The following TMC2 variants were observed in gnomAD, a reference collection of about 807,000 sequenced individuals.
The protein encoded by TMC2 is transmembrane channel like 2.
In TMC2, 102 loss-of-function variants were observed where a neutral mutation model predicts 105.9. The observed-to-expected ratio is 0.96, with a 90% CI of 0.82 to 1.14. The LOEUF is 1.14. Among genes scored for constraint, TMC2 ranks in the 50% most tolerant of loss-of-function variants. The pLI is 0.00. For missense variants in TMC2, 1,093 were observed against 1,134.3 expected (o/e 0.96, Z 0.52); for synonymous variants, 402 against 422.8 (o/e 0.95, Z 0.60).
At position 2,617,199 on chromosome 20, in the gene TMC2, C is replaced by T. The variant is rs747680354; in HGVS notation, c.2068C>T (p.Arg690Ter). Residue 690 changes from arginine (R) to a stop codon, truncating the protein, a stop_gained, in exon 16 of 20, where the codon CGA (arginine) becomes TGA (stop). Coordinates refer to ENST00000358864, the MANE Select transcript of TMC2 (RefSeq NM_080751.3). LOFTEE classifies it high-confidence loss of function. ...VPHERVFKAS[R>*]SNNFYMGLLL... ...CCATGAACGCGTGTTCAAAGCCTCC[C>T]GATCCAACAACTTCTACATGGGCCT... is the stretch of plus-strand genomic sequence containing the variant. The T allele has an allele frequency of 4.2e-5, 67 of 1,614,068 alleles. No individual in the cohort carries two copies. Among genetic ancestry groups the T allele is most frequent in the African/African-American group, 1.1e-4 (8 of 74,924 alleles).
chr20:2,537,447 C>G lies in TMC2; in HGVS notation c.82+131C>G, dbSNP rs766066586. ...CTCTCATTCAACACCCTGCATGGAG[C>G]CTTCCTGGGAGGCAAGGTGTTTAAC... On this transcript the variant is annotated intron_variant, in intron 2 of 19. Coordinates refer to ENST00000358864, the MANE Select transcript of TMC2 (RefSeq NM_080751.3). 2.4e-5 allele frequency: 19 copies of G among 798,648 alleles called. No individual in the cohort carries two copies. The Admixed American group carries it at 4.4e-4, about 19-fold the overall frequency. 49.5% of individuals were successfully genotyped at this position (798,648 alleles called of 1,614,324 possible).
intron 16 of TMC2, chr20:2,617,946 A>T (rs992480615): frequency 2.0e-5 from 3 of 153,102 alleles, no homozygotes; most frequent in African/African-American, 7.2e-5. Context: ...CCTGGCCTCA[A>T]ACAATCCACT....
intron 14 of TMC2, among the ~76,000 whole-genome samples, chr20:2,615,278 G>GCACA (rs2086471677): frequency 6.6e-6 from 1 of 152,188 alleles, no homozygotes. Context: ...CTGAGATTGT[G>GCACA]CCACTGCACT....
intron 10 of TMC2, among the ~76,000 whole-genome samples, chr20:2,599,745 A>C (rs2086337577): frequency 6.6e-6 from 1 of 151,886 alleles, no homozygotes; most frequent in South Asian, 2.1e-4. Context: ...CCCAGCTCCC[A>C]TTCCAAGTTC....
At chr20:2,588,721 G>GTGTGTGTGTC (rs1273483588) in intron 7 of TMC2, among the ~76,000 whole-genome samples, 2 of 151,596 alleles carry the variant, frequency 1.3e-5, no homozygotes, top group East Asian at 3.9e-4. Context: ...GTGTGTGTGT[G>GTGTGTGTGTC]TCTTGTCTCA....
intron 11 of TMC2, among the ~76,000 whole-genome samples, chr20:2,607,862 C>T (rs113945040): frequency 3.5e-4 from 54 of 152,236 alleles, no homozygotes; most frequent in African/African-American, 1.0e-3. Flanking sequence ...CAGTGGCTCA[C>T]GCCTGTAATC....
intron 4 of TMC2, among the ~76,000 whole-genome samples, chr20:2,564,121 C>T (rs934581425): frequency 6.0e-5 from 9 of 150,438 alleles, no homozygotes; most frequent in African/African-American, 2.0e-4. Context: ...CTAGACTCAG[C>T]TCTGGACTGT....
chr20:2,587,813 A>T (rs1276215810), intron 7 of TMC2, among the ~76,000 whole-genome samples: 1 of 152,208 alleles, frequency 6.6e-6, no homozygotes, highest in African/African-American at 2.4e-5. Flanking sequence ...GTTATTAACT[A>T]TAGTCACCAT....
intron 12 of TMC2, among the ~76,000 whole-genome samples, chr20:2,611,695 C>T (rs2086439418): frequency 6.6e-6 from 1 of 152,178 alleles, no homozygotes; most frequent in Admixed American, 6.5e-5. Context: ...CTGAGCGAAC[C>T]TCCATCTCTC....
At chr20:2,579,061 C>T (rs2086167917) in intron 5 of TMC2, 85 bp from the exon 6 acceptor site, 2 of 738,820 alleles carry the variant, frequency 2.7e-6, no homozygotes, top group Admixed American at 2.0e-5. Flanking sequence ...GCTGACCTGT[C>T]GGCCTCCTCG....
chr20:2,616,145 T>C lies in TMC2; in HGVS notation c.1881T>C (p.Tyr627=), dbSNP rs2086479526. 6.2e-7 allele frequency: 1 copy of C among 1,613,052 alleles called. No individual in the cohort carries two copies. Reference sequence around the variant, plus strand: ...CCTCCCTCCCTCTCTAGCCTTCATATGCTGAGTTTGATATTAGTGGAAATG... The same window carrying C: ...CCTCCCTCCCTCTCTAGCCTTCATACGCTGAGTTTGATATTAGTGGAAATG... The part of the protein sequence containing the change: ...CWDLEAGFPS[Y]AEFDISGNVL... The change falls in exon 15 of 20, where the codon TAT becomes TAC. Residue 627 remains tyrosine, a synonymous_variant. Transcript: ENST00000358864. This position sits in a 1 kb window ranked among gnomAD's most constrained non-coding sequence, Gnocchi z 4.8.
chr20:2,606,789 C>T (rs1265324867), intron 11 of TMC2, among the ~76,000 whole-genome samples: 1 of 150,718 alleles, frequency 6.6e-6, no homozygotes, highest in Non-Finnish European at 1.5e-5. Context: ...TTAAAACTTT[C>T]CCCCTTTTTA....
chr20:2,563,755 T>C (rs990691254), intron 4 of TMC2, among the ~76,000 whole-genome samples: 1 of 152,106 alleles, frequency 6.6e-6, no homozygotes. Flanking sequence ...AGAGACAGAG[T>C]CTTGCTCTGT....
intron 14 of TMC2, among the ~76,000 whole-genome samples, chr20:2,615,572 A>C (rs1315849079): frequency 1.3e-5 from 2 of 152,242 alleles, no homozygotes; most frequent in African/African-American, 4.8e-5. Context: ...AAATCACGAA[A>C]ACTGCAAATG....
At chr20:2,572,030 A>C in intron 4 of TMC2, 149 bp from the exon 5 acceptor site, 1 of 650,780 alleles carries the variant, frequency 1.5e-6, no homozygotes, top group Non-Finnish European at 2.7e-6. Flanking sequence ...GATAAAACAG[A>C]CAGAATGTCG....
chr20:2,621,645 G>A (rs2146254294), intron 16 of TMC2, among the ~76,000 whole-genome samples: 1 of 152,250 alleles, frequency 6.6e-6, no homozygotes, highest in African/African-American at 2.4e-5. Context: ...CTCCAGACTG[G>A]GCAACGAGCA....
intron 2 of TMC2, among the ~76,000 whole-genome samples, chr20:2,549,462 G>T (rs550361147): frequency 7.2e-5 from 11 of 152,260 alleles, no homozygotes; most frequent in Non-Finnish European, 1.6e-4. Flanking sequence ...TATTTTTCCA[G>T]CCAGGCATGG....
At chr20:2,546,088 C>T (rs1428533510) in intron 2 of TMC2, among the ~76,000 whole-genome samples, 2 of 152,236 alleles carry the variant, frequency 1.3e-5, no homozygotes, top group East Asian at 3.9e-4. Flanking sequence ...ACAAAAGGTC[C>T]CCAAGTAGTG....
chr20:2,550,354 A>C (rs1431619975), intron 2 of TMC2, among the ~76,000 whole-genome samples: 1 of 152,284 alleles, frequency 6.6e-6, no homozygotes, highest in Non-Finnish European at 1.5e-5. Context: ...GTCTCAAAAA[A>C]ATAAAAATTA....
Sources: gnomAD v4.1 joint callset for allele counts (sites outside exome capture counted in the v4.1 genomes callset) on GRCh38, gnomAD v4.1.1 for gene constraint, Gnocchi (gnomAD v3.1) non-coding constraint, MANE v1.5 for transcripts, NCBI Gene and HGNC (gene_info 2026-07-23, HGNC 2026-07-21) for gene names.